The following SEMA5B variants were observed in gnomAD, a reference collection of about 807,000 sequenced individuals.
The protein encoded by SEMA5B is semaphorin 5B.
A neutral mutation model predicts 135.0 loss-of-function variants in SEMA5B; 66 were observed. The ratio of observed to expected loss-of-function variants is 0.49; its 90% CI spans 0.40 to 0.60. SEMA5B has a LOEUF of 0.60. SEMA5B is among the 20% of genes least tolerant of loss of function. The pLI is 0.00. For missense variants in SEMA5B, 1,501 were observed against 1,566.3 expected, an observed-to-expected ratio of 0.96 and a Z score of 0.70; for synonymous variants, 690 against 639.5, an observed-to-expected ratio of 1.08 and a Z score of -1.19.
intron 2 of SEMA5B, 122 bp from the exon 3 acceptor site, chr3:122,948,831 T>A: frequency 1.3e-6 from 1 of 798,034 alleles, no homozygotes; most frequent in South Asian, 2.2e-5. Context: ...GTATTTATGT[T>A]ACTCAGAGTT....
chr3:122,961,141 C>G lies in SEMA5B; in HGVS notation c.123G>C (p.Arg41Ser). The change falls in exon 2 of 23, where the codon AGG becomes AGC. Residue 41 changes from arginine to serine, a missense_variant and splice_region_variant. Physicochemically the swap from Arg to Ser is moderately radical, Grantham distance 110 (BLOSUM62 -1). Coordinates refer to ENST00000357599, the MANE Select transcript of SEMA5B (RefSeq NM_001031702.4). ...TVGGWLLSLVRGLLPCLPPGA... is the reference protein window; with the variant it reads ...TVGGWLLSLVSGLLPCLPPGA... ...CCACACTCCCCTGGGCACACTTACC[C>G]CTGACCAGTGAGAGAAGCCAGCCCC... The G allele has an allele frequency of 1.2e-6, 2 of 1,610,698 alleles. No individual in the cohort carries two copies. The highest frequency in any genetic ancestry group is 1.7e-6 in the Non-Finnish European group (2 of 1,178,038).
At chr3:122,934,329 T>C (rs1939141677) in intron 5 of SEMA5B, among the ~76,000 whole-genome samples, 1 of 152,342 alleles carries the variant, frequency 6.6e-6, no homozygotes, top group East Asian at 1.9e-4. Flanking sequence ...AGACACTGTG[T>C]ACCTCCTAAA....
At chr3:123,018,871 G>T (rs906750015) in intron 1 of SEMA5B, among the ~76,000 whole-genome samples, 1 of 152,150 alleles carries the variant, frequency 6.6e-6, no homozygotes, top group Non-Finnish European at 1.5e-5. Context: ...ATAGGAATAC[G>T]TCATAACTTG....
intron 1 of SEMA5B, among the ~76,000 whole-genome samples, chr3:123,023,244 C>T (rs1424295629): frequency 2.0e-5 from 3 of 151,636 alleles, no homozygotes; most frequent in Non-Finnish European, 2.9e-5. Flanking sequence ...AAATTTAAGG[C>T]CAACTTAGTG....
intron 2 of SEMA5B, among the ~76,000 whole-genome samples, chr3:122,950,137 A>C (rs1418157298): frequency 6.6e-6 from 1 of 152,272 alleles, no homozygotes; most frequent in Non-Finnish European, 1.5e-5. Context: ...ATAGGCAAAG[A>C]ATATACATAC....
intron 5 of SEMA5B, among the ~76,000 whole-genome samples, chr3:122,937,145 G>C (rs1223777024): frequency 6.6e-6 from 1 of 151,784 alleles, no homozygotes; most frequent in Non-Finnish European, 1.5e-5. Flanking sequence ...GAGGAAGCTG[G>C]GCGGGGGCAC....
chr3:122,921,317 G>T (rs2107635626), intron 12 of SEMA5B, among the ~76,000 whole-genome samples: 1 of 152,314 alleles, frequency 6.6e-6, no homozygotes, highest in East Asian at 1.9e-4. Flanking sequence ...AAACACTGAT[G>T]CCACAGTTGT....
At chr3:122,997,528 G>GCA (rs1467816383) in intron 1 of SEMA5B, among the ~76,000 whole-genome samples, 46 of 145,814 alleles carry the variant, frequency 3.2e-4, no homozygotes, top group African/African-American at 1.0e-3. Context: ...TCCCCCCCCC[G>GCA]TCTCCACCAG....
At chr3:122,928,897 T>C in intron 6 of SEMA5B, 99 bp downstream of exon 6, 1 of 1,240,890 alleles carries the variant, frequency 8.1e-7, no homozygotes, top group Non-Finnish European at 1.1e-6. Context: ...CAGGCCTCTC[T>C]AGCAGGGGAC....
rs1192438797 is a variant in SEMA5B at position 123,026,771 on chromosome 3, G to T, written c.-39+693C>A. The stretch of plus-strand genomic sequence containing the variant: ...CAAATTACCATGAGAAACATAAATC[G>T]GGAAATCGCCGCTCGCGTCCCTGCT... On this transcript the variant is annotated intron_variant, in intron 1 of 22. Coordinates refer to ENST00000357599, the MANE Select transcript of SEMA5B (RefSeq NM_001031702.4). 2.0e-5 allele frequency among the ~76,000 whole-genome samples: 3 copies of T among 152,224 alleles called. No individual in the cohort carries two copies. In the East Asian group the frequency reaches 5.8e-4, roughly 29 times the overall value.
chr3:122,985,197 C>T (rs1314185762), intron 1 of SEMA5B, among the ~76,000 whole-genome samples: 1 of 152,098 alleles, frequency 6.6e-6, no homozygotes, highest in East Asian at 1.9e-4. Flanking sequence ...AAATGGATTA[C>T]TGTAATGAAA....
intron 1 of SEMA5B, among the ~76,000 whole-genome samples, chr3:122,974,020 C>T (rs902176654): frequency 3.9e-5 from 6 of 152,182 alleles, no homozygotes; most frequent in Non-Finnish European, 8.8e-5. Context: ...TGCCGTTCCC[C>T]GAATGTACAC....
At chr3:122,941,000 G>A (rs1015568142) in intron 4 of SEMA5B, among the ~76,000 whole-genome samples, 4 of 152,068 alleles carry the variant, frequency 2.6e-5, no homozygotes, top group Non-Finnish European at 5.9e-5. Context: ...TCACAACATC[G>A]CAGTCAACTC....
intron 1 of SEMA5B, among the ~76,000 whole-genome samples, chr3:122,972,731 G>C (rs1299322371): frequency 6.6e-6 from 1 of 152,162 alleles, no homozygotes; most frequent in Non-Finnish European, 1.5e-5. Flanking sequence ...CCCTTCATGT[G>C]GATGGGTCCT....
chr3:123,025,901 C>A (rs1942786332), intron 1 of SEMA5B, among the ~76,000 whole-genome samples: 1 of 152,230 alleles, frequency 6.6e-6, no homozygotes, highest in African/African-American at 2.4e-5. Context: ...AATCTGCCCC[C>A]CTTTTCCGTA....
chr3:122,994,030 C>T lies in SEMA5B; in HGVS notation c.-38-32729G>A, dbSNP rs545245249. On this transcript the variant is annotated intron_variant, in intron 1 of 22. Coordinates refer to ENST00000357599, the MANE Select transcript of SEMA5B (RefSeq NM_001031702.4). ...ACCTGGCCCCATCTCAGAGCCATATCCTCTTCACCAGGCTTCCTGCGGGTC... is the reference window on the plus strand; with the variant it reads ...ACCTGGCCCCATCTCAGAGCCATATTCTCTTCACCAGGCTTCCTGCGGGTC... Among the ~76,000 whole-genome samples, 306 of 152,188 alleles carry T rather than the reference C, an allele frequency of 2.0e-3. 2 individuals carry two copies. The highest frequency in any genetic ancestry group is 7.0e-3 in the African/African-American group (289 of 41,502).
intron 1 of SEMA5B, among the ~76,000 whole-genome samples, chr3:122,993,701 C>A (rs1378296199): frequency 6.6e-6 from 1 of 152,038 alleles, no homozygotes; most frequent in African/African-American, 2.4e-5. Flanking sequence ...GACACAGAAT[C>A]CAGAACAGGC....
chr3:123,024,650 T>C (rs1942759038), intron 1 of SEMA5B, among the ~76,000 whole-genome samples: 1 of 152,064 alleles, frequency 6.6e-6, no homozygotes, highest in African/African-American at 2.4e-5. Flanking sequence ...GCCCTGAGAA[T>C]GAGGGTGAGC....
intron 1 of SEMA5B, among the ~76,000 whole-genome samples, chr3:123,019,488 T>C (rs1942630607): frequency 6.6e-6 from 1 of 151,720 alleles, no homozygotes; most frequent in African/African-American, 2.4e-5. Context: ...ACTTGGGAGG[T>C]TGAGATGGGA....
Sources: gnomAD v4.1 joint callset for allele counts (sites outside exome capture counted in the v4.1 genomes callset) on GRCh38, gnomAD v4.1.1 for gene constraint, MANE v1.5 for transcripts, NCBI Gene and HGNC (gene_info 2026-07-23, HGNC 2026-07-21) for gene names.